LAMA2: variants seen among roughly 807,000 people sequenced by gnomAD.
LAMA2 encodes laminin subunit alpha 2.
A neutral mutation model predicts 364.8 loss-of-function variants in LAMA2; 269 were observed. The ratio of observed to expected loss-of-function variants is 0.74; its 90% confidence interval spans 0.67 to 0.82. The LOEUF (loss-of-function observed/expected upper bound fraction) is 0.82. Ranked by LOEUF, LAMA2 falls within the 40% of genes least tolerant of loss-of-function variation. The probability of loss-of-function intolerance (pLI) is 0.00; values close to 1 mark genes in which losing one functional copy is unlikely to be tolerated. For synonymous variants in LAMA2, 1,379 were observed against 1,370.6 expected, an observed-to-expected ratio of 1.01 and a Z score of -0.14; for missense variants, 3,807 against 3,873.2, an observed-to-expected ratio of 0.98 and a Z score of 0.45.
chr6:129,335,360 A>C (rs76723111), intron 29 of LAMA2, among the ~76,000 whole-genome samples: 1 of 92,328 alleles, frequency 1.1e-5, no homozygotes, highest in African/African-American at 3.6e-5. Context: ...AAGTAGGTAG[A>C]TAGATAGATA....
intron 4 of LAMA2, among the ~76,000 whole-genome samples, chr6:129,120,187 A>G (rs1012556641): frequency 2.6e-5 from 4 of 152,224 alleles, no homozygotes; most frequent in Non-Finnish European, 4.4e-5. Context: ...TAAAAATATC[A>G]AAAGAAATTA....
intron 51 of LAMA2, among the ~76,000 whole-genome samples, chr6:129,467,659 T>A (rs1409258512): frequency 6.6e-6 from 1 of 151,922 alleles, no homozygotes; most frequent in Admixed American, 6.6e-5. Context: ...GAACAATTTT[T>A]ATAAATGGTC....
At chr6:129,136,546 T>C (rs1273094543) in intron 4 of LAMA2, among the ~76,000 whole-genome samples, 1 of 151,328 alleles carries the variant, frequency 6.6e-6, no homozygotes, top group East Asian at 1.9e-4. Context: ...AGAAGAGACA[T>C]GTTCTTCTTT....
rs1780798768 is a variant in LAMA2 at position 128,951,207 on chromosome 6, T to A, written c.112+67850T>A. ...AAGTAGTTTTCCCTCCACTAGCCGT[T>A]TGACCTTGTACAAGTGACTTTAACT... On this transcript the variant is annotated intron_variant, in intron 1 of 64. Transcript: ENST00000421865. Among the ~76,000 whole-genome samples, 3 of 152,294 alleles carry A rather than the reference T, an allele frequency of 2.0e-5. No homozygotes were observed. The South Asian group carries it at 6.2e-4, about 32-fold the overall frequency.
chr6:129,373,033 AT>A (rs1778175850), intron 34 of LAMA2, among the ~76,000 whole-genome samples: 1 of 151,952 alleles, frequency 6.6e-6, no homozygotes, highest in African/African-American at 2.4e-5. Flanking sequence ...ATTTTGGGTA[AT>A]AGTCCTTTAT....
chr6:129,371,795 A>G (rs902304033), intron 34 of LAMA2, among the ~76,000 whole-genome samples: 6 of 151,706 alleles, frequency 4.0e-5, no homozygotes, highest in African/African-American at 2.4e-5. Flanking sequence ...TTTTTAGTAG[A>G]GACGGGTTTC....
At chr6:128,929,145 C>G in intron 1 of LAMA2, 1 of 1,436,144 alleles carries the variant, frequency 7.0e-7, no homozygotes, top group Non-Finnish European at 9.8e-7. Context: ...TAGGGATTTA[C>G]AGGATCCAAT....
intron 9 of LAMA2, among the ~76,000 whole-genome samples, chr6:129,173,552 C>T (rs1487468980): frequency 6.6e-6 from 1 of 152,142 alleles, no homozygotes; most frequent in Admixed American, 6.5e-5. Context: ...AAGATTTTCA[C>T]AGTTACATTC....
intron 15 of LAMA2, among the ~76,000 whole-genome samples, chr6:129,264,440 A>T (rs2114334730): frequency 6.6e-6 from 1 of 152,152 alleles, no homozygotes; most frequent in South Asian, 2.1e-4. Context: ...CGATTTGAAA[A>T]CGCTGTGAAG....
intron 35 of LAMA2, among the ~76,000 whole-genome samples, chr6:129,387,490 A>G (rs1779080345): frequency 6.6e-6 from 1 of 152,250 alleles, no homozygotes; most frequent in Non-Finnish European, 1.5e-5. Flanking sequence ...TGTGGAAGAC[A>G]GTGTGGCGAT....
At chr6:129,320,388 A>G (rs1774889032) in intron 27 of LAMA2, 150 bp from the exon 28 acceptor site, 1 of 677,924 alleles carries the variant, frequency 1.5e-6, no homozygotes. Context: ...CTTATGTACA[A>G]TTATTATTTG....
At chr6:128,910,150 C>G (rs7775027) in intron 1 of LAMA2, among the ~76,000 whole-genome samples, 21,271 of 149,280 alleles carry the variant, frequency 0.14, 2,025 homozygotes, top group African/African-American at 0.27. Flanking sequence ...TCTTTGTGGC[C>G]TTCTCTGTAT....
chr6:129,231,049 A>G (rs912206840), intron 12 of LAMA2, among the ~76,000 whole-genome samples: 2 of 152,128 alleles, frequency 1.3e-5, no homozygotes, highest in Admixed American at 6.6e-5. Flanking sequence ...GCACTTTGCC[A>G]CAAATTAAAG....
chr6:129,507,982 T>C (rs1786241628), intron 62 of LAMA2, among the ~76,000 whole-genome samples: 1 of 91,172 alleles, frequency 1.1e-5, no homozygotes, highest in Non-Finnish European at 2.6e-5. Context: ...AGATGAGATA[T>C]GATTTTTTTC....
chr6:129,257,880 G>T (rs1786813157), intron 14 of LAMA2, among the ~76,000 whole-genome samples: 1 of 152,008 alleles, frequency 6.6e-6, no homozygotes, highest in Non-Finnish European at 1.5e-5. Flanking sequence ...CTGAAATGTG[G>T]CTAGTAGTCT....
At chr6:129,509,638 A>G (rs1454731915) in intron 62 of LAMA2, among the ~76,000 whole-genome samples, 2 of 151,930 alleles carry the variant, frequency 1.3e-5, no homozygotes, top group Non-Finnish European at 2.9e-5. Flanking sequence ...TGTTCTTAGA[A>G]CCTTTATGGA....
At position 129,512,482 on chromosome 6, in the gene LAMA2, A is replaced by G. The variant is rs145331792; in HGVS notation, c.8977A>G (p.Ile2993Val). The change falls in exon 63 of 65, where the codon ATT becomes GTT. Residue 2993 changes from isoleucine (I) to valine (V), a missense_variant. This residue lies in a region of LAMA2 where 3,333 missense variants were observed against 3,345.7 expected (regional missense o/e 1.00). Transcript: ENST00000421865. ...QKMDGMGIEM[I>V]DEKLMFHVDN... is the part of the protein sequence containing the mutation. ...AATGGATGGAATGGGTATTGAAATG[A>G]TTGATGAAAAGGTGAGTGTCAGCAA... 5.1e-5 allele frequency: 83 copies of G among 1,613,564 alleles called. No homozygotes were observed. In the African/African-American group the frequency reaches 1.1e-3, roughly 21 times the overall value.
chr6:129,440,166 C>T (rs1458391561), intron 42 of LAMA2, among the ~76,000 whole-genome samples: 1 of 152,042 alleles, frequency 6.6e-6, no homozygotes, highest in African/African-American at 2.4e-5. Flanking sequence ...CTAACCTATA[C>T]ACACTAGTAG....
chr6:129,167,201 T>A (rs61578868), intron 9 of LAMA2, among the ~76,000 whole-genome samples: 2,482 of 152,186 alleles, frequency 0.016, 61 homozygotes, highest in African/African-American at 0.056. Flanking sequence ...AGGGTACATG[T>A]GCACAATGTG....
Sources: allele counts gnomAD v4.1 joint callset (sites outside exome capture counted in the v4.1 genomes callset), GRCh38; gene constraint gnomAD v4.1.1; regional missense constraint gnomAD v4.1.1; transcripts MANE v1.5; gene names NCBI Gene and HGNC (gene_info 2026-07-23, HGNC 2026-07-21).